Variants in ST13 observed in about 807,000 individuals in gnomAD.
ST13 encodes the protein hsc70-interacting protein.
Under a neutral mutation model 56.7 loss-of-function variants are expected in ST13, and 23 were observed. The ratio of observed to expected loss-of-function variants is 0.41; its 90% CI spans 0.29 to 0.57. The LOEUF (loss-of-function observed/expected upper bound fraction) is 0.57, where lower values mean the gene tolerates loss of function less well. Ranked by LOEUF, ST13 falls within the 20% of genes least tolerant of loss-of-function variation. The probability of loss-of-function intolerance (pLI) is 0.36; values close to 1 mark genes in which losing one functional copy is unlikely to be tolerated. For missense variants in ST13, 369 were observed against 459.9 expected, an observed-to-expected ratio of 0.80 and a Z score of 1.81; for synonymous variants, 132 against 142.4, an observed-to-expected ratio of 0.93 and a Z score of 0.52.
At chr22:40,835,426 T>C (rs1193129588) in intron 7 of ST13, 134 bp downstream of exon 7, 2 of 695,622 alleles carry the variant, frequency 2.9e-6, no homozygotes, top group Admixed American at 2.5e-5. Flanking sequence ...GCTATCTCAC[T>C]TCTTGATACT....
intron 2 of ST13, among the ~76,000 whole-genome samples, chr22:40,848,725 A>G (rs1035416434): frequency 6.6e-6 from 1 of 152,238 alleles, no homozygotes; most frequent in Admixed American, 6.5e-5. Context: ...CCTGGGCGAC[A>G]GAGCAAGACT....
In ST13 at chr22:40,826,432, C is replaced by A. The variant is rs536104237; in HGVS notation, c.*106G>T. On this transcript the variant is annotated 3_prime_UTR_variant, in exon 12 of 12. Transcript: ENST00000216218. ...GGATTATCTTCAAAGCACCCCAGCT[C>A]TCTTGATGAGAAGGTCAGAGGTACA... 3.2e-4 allele frequency: 384 copies of A among 1,214,382 alleles called. No homozygotes were observed. The Middle Eastern group carries it at 3.9e-3, about 12-fold the overall frequency. The allele number at this position is 1,214,382 out of a possible 1,614,324, so 75.2% of individuals were successfully genotyped here. A position where few individuals can be genotyped will look rare whatever the true frequency, so the allele number is the denominator to read the frequency against.
At chr22:40,843,220 T>C (rs1342143268) in intron 4 of ST13, among the ~76,000 whole-genome samples, 1 of 152,244 alleles carries the variant, frequency 6.6e-6, no homozygotes, top group Non-Finnish European at 1.5e-5. Flanking sequence ...TTATGGATAG[T>C]TTATCTCAAT....
chr22:40,839,172 C>G (rs983342322), intron 5 of ST13, among the ~76,000 whole-genome samples: 1 of 152,174 alleles, frequency 6.6e-6, no homozygotes, highest in African/African-American at 2.4e-5. Flanking sequence ...CAGTATAAAA[C>G]AGTATAAACA....
At chr22:40,851,030 G>T in intron 1 of ST13, 150 bp from the exon 2 acceptor site, 1 of 585,122 alleles carries the variant, frequency 1.7e-6, no homozygotes, top group Non-Finnish European at 2.9e-6. Flanking sequence ...GAATGCTGTG[G>T]TATTATTATG....
chr22:40,840,697 G>A lies in ST13; in HGVS notation c.316-5C>T, dbSNP rs760480844. The A allele has an allele frequency of 7.5e-6, 12 of 1,604,412 alleles. No homozygotes were observed. The highest frequency in any genetic ancestry group is 6.9e-5 in the Admixed American group (4 of 57,860). On this transcript the variant is annotated splice_region_variant and splice_polypyrimidine_tract_variant and intron_variant, in intron 4 of 11. Coordinates refer to ENST00000216218, the MANE Select transcript of ST13 (RefSeq NM_003932.5). ...ATCCATCATCTCCTCCGTTATCTAG[G>A]AAGAAAATAAAAATCATCTTAGAAT... is the stretch of plus-strand genomic sequence containing the variant.
chr22:40,854,454 G>A (rs193224785), intron 1 of ST13: 1 of 152,266 alleles, frequency 6.6e-6, no homozygotes, highest in East Asian at 1.9e-4. Flanking sequence ...AGAAAAACTG[G>A]AATTACCTAT....
chr22:40,827,543 T>C (rs2057734596), intron 10 of ST13, among the ~76,000 whole-genome samples: 1 of 152,224 alleles, frequency 6.6e-6, no homozygotes, highest in Non-Finnish European at 1.5e-5. Context: ...AGTGGTGCCA[T>C]CTTGGCTGAC....
chr22:40,831,281 G>A (rs2057752582), intron 8 of ST13, among the ~76,000 whole-genome samples: 1 of 152,198 alleles, frequency 6.6e-6, no homozygotes, highest in South Asian at 2.1e-4. Flanking sequence ...ACAGTGTTTA[G>A]GTTTCAGACG....
chr22:40,839,161 G>T (rs1209981499), intron 5 of ST13, among the ~76,000 whole-genome samples: 2 of 152,162 alleles, frequency 1.3e-5, no homozygotes, highest in Non-Finnish European at 2.9e-5. Context: ...TAAGGCAACT[G>T]CAGTATAAAA....
At position 40,825,530 on chromosome 22, in the gene ST13, T is replaced by TA. The variant is rs2057723535; in HGVS notation, c.*1007dup. On this transcript the variant is annotated 3_prime_UTR_variant, in exon 12 of 12. Coordinates refer to ENST00000216218, the MANE Select transcript of ST13 (RefSeq NM_003932.5). ...GCATTCTCTTGGCCAAGTAAGAAAC[T>TA]ACAGTTGTTGTGGGTATTACCCTAC... 1 of 152,178 alleles carries TA rather than the reference T, an allele frequency of 6.6e-6. No individual in the cohort carries two copies. Among genetic ancestry groups the TA allele is most frequent in the Non-Finnish European group, 1.5e-5 (1 of 68,034 alleles). The allele number at this position is 152,178 out of a possible 1,614,324, so 9.4% of individuals were successfully genotyped here. A position where few individuals can be genotyped will look rare whatever the true frequency, so the allele number is the denominator to read the frequency against.
chr22:40,853,877 A>C (rs1869117230), intron 1 of ST13, among the ~76,000 whole-genome samples: 1 of 152,234 alleles, frequency 6.6e-6, no homozygotes. Context: ...GGGAGAAAAT[A>C]GAGTGGGAGA....
rs1601466921 is a variant in ST13 at position 40,840,497 on chromosome 22, TG to T, written c.382+128del. ...CTTTTATCAATGAGGAAGGGGTGAC[TG>T]GATAATAGGACACTATCTTCTCCAG... On this transcript the variant is annotated intron_variant, in intron 5 of 11. Coordinates refer to ENST00000216218, the MANE Select transcript of ST13 (RefSeq NM_003932.5). The T allele has an allele frequency of 9.7e-6, 7 of 724,198 alleles. No individual in the cohort carries two copies. In the East Asian group the frequency reaches 2.1e-4, roughly 22 times the overall value. 44.9% of individuals were successfully genotyped at this position (724,198 alleles called of 1,614,324 possible).
intron 7 of ST13, 123 bp from the exon 8 acceptor site, chr22:40,832,794 A>T: frequency 1.5e-6 from 1 of 682,576 alleles, no homozygotes; most frequent in South Asian, 1.8e-5. Context: ...ATTAACTATA[A>T]ACTTTCACTA....
At chr22:40,837,078 G>A (rs1445164882) in intron 5 of ST13, among the ~76,000 whole-genome samples, 2 of 152,222 alleles carry the variant, frequency 1.3e-5, no homozygotes, top group East Asian at 3.8e-4. Flanking sequence ...AGCCTTCTGA[G>A]TAGCTGGGAT....
intron 1 of ST13, among the ~76,000 whole-genome samples, chr22:40,853,541 TTA>T (rs1213461267): frequency 6.6e-6 from 1 of 152,224 alleles, no homozygotes; most frequent in Non-Finnish European, 1.5e-5. Flanking sequence ...ACAGGCTTTT[TTA>T]TGTTACACAA....
At chr22:40,834,997 A>G (rs1207988252) in intron 7 of ST13, among the ~76,000 whole-genome samples, 2 of 152,210 alleles carry the variant, frequency 1.3e-5, no homozygotes, top group Non-Finnish European at 2.9e-5. Flanking sequence ...CATTCCCAAG[A>G]TACAAATATT....
intron 2 of ST13, among the ~76,000 whole-genome samples, chr22:40,849,281 T>C (rs1159691738): frequency 6.6e-6 from 1 of 151,816 alleles, no homozygotes; most frequent in East Asian, 1.9e-4. Context: ...ATTGAGACCA[T>C]CCTGGCTAAC....
rs528387925 is a variant in ST13 at position 40,832,898 on chromosome 22, G to A, written c.579-227C>T. The stretch of plus-strand genomic sequence containing the variant: ...ATTTAAAGCTGCTTTTCTACTAAAA[G>A]CTAAAAAACAAACAAAATCTTTCTT... On this transcript the variant is annotated intron_variant, in intron 7 of 11. Transcript: ENST00000216218. Among the ~76,000 whole-genome samples the A allele has an allele frequency of 1.1e-4, 16 of 152,230 alleles. No homozygotes were observed. The South Asian group carries it at 3.1e-3, about 30-fold the overall frequency.
Sources: gnomAD v4.1 joint callset for allele counts (sites outside exome capture counted in the v4.1 genomes callset) on GRCh38, gnomAD v4.1.1 for gene constraint, MANE v1.5 for transcripts, NCBI Gene and HGNC (gene_info 2026-07-23, HGNC 2026-07-21) for gene names.